Variants in GSE1 observed in about 807,000 individuals in gnomAD.
The protein encoded by GSE1 is Gse1 coiled-coil protein.
In GSE1, 32 loss-of-function variants were observed where a neutral mutation model predicts 112.6. That is an observed-to-expected ratio of 0.28 (90% confidence interval 0.21 to 0.38). The LOEUF (loss-of-function observed/expected upper bound fraction) is 0.38. GSE1 is among the 10% of genes least tolerant of loss of function. GSE1 has a pLI of 1.00. For missense variants in GSE1, 2,348 were observed against 1,699.2 expected (o/e 1.38, Z -6.71); for synonymous variants, 1,115 against 735.6 (o/e 1.52, Z -8.35).
At chr16:85,293,271 C>T (rs189653573) in intron 1 of GSE1, among the ~76,000 whole-genome samples, 1 of 152,266 alleles carries the variant, frequency 6.6e-6, no homozygotes, top group Non-Finnish European at 1.5e-5. Context: ...CTTGGCCTGG[C>T]ACGGTGGCTC....
At chr16:85,538,026 C>T (rs973442660) in intron 2 of GSE1, among the ~76,000 whole-genome samples, 22 of 152,302 alleles carry the variant, frequency 1.4e-4, no homozygotes, top group Non-Finnish European at 2.2e-4. Flanking sequence ...GCCTTGGGCC[C>T]GGACCCCTCC....
At chr16:85,646,265 C>G (rs945479192) in intron 2 of GSE1, among the ~76,000 whole-genome samples, 5 of 151,954 alleles carry the variant, frequency 3.3e-5, no homozygotes, top group Admixed American at 2.0e-4. Flanking sequence ...ATTCTACTTG[C>G]TTCTACCATG....
At chr16:85,556,158 C>G in exon 1 of GSE1, 1 of 942,866 alleles carries the variant, frequency 1.1e-6, no homozygotes, top group Non-Finnish European at 1.2e-6. Context: ...GGGGGAAAGA[C>G]TGATTTTTTT....
intron 2 of GSE1, among the ~76,000 whole-genome samples, chr16:85,497,597 G>T (rs907714953): frequency 6.6e-6 from 1 of 152,196 alleles, no homozygotes; most frequent in African/African-American, 2.4e-5. Context: ...ACTGCTGAAA[G>T]GGACCAGGCC....
At chr16:85,618,922 C>G (rs2048549679) in intron 1 of GSE1, among the ~76,000 whole-genome samples, 3 of 152,214 alleles carry the variant, frequency 2.0e-5, no homozygotes, top group Admixed American at 2.0e-4. Context: ...TCTCAGCCTC[C>G]CAAAGCACTG....
intron 1 of GSE1, among the ~76,000 whole-genome samples, chr16:85,194,606 G>A (rs1597771616): frequency 1.3e-5 from 2 of 152,172 alleles, no homozygotes; most frequent in South Asian, 4.1e-4. Flanking sequence ...TGACTCGAGT[G>A]TTGGGATTTT....
At chr16:85,253,944 A>C (rs919510623) in intron 1 of GSE1, among the ~76,000 whole-genome samples, 1 of 152,154 alleles carries the variant, frequency 6.6e-6, no homozygotes, top group African/African-American at 2.4e-5. Flanking sequence ...GTGGGCTCAG[A>C]GGTGGCAAAC....
rs111704788 is a variant in GSE1 at position 85,289,619 on chromosome 16, C to T, written c.2284-67844C>T. Among the ~76,000 whole-genome samples the T allele has an allele frequency of 9.8e-3, 1,495 of 152,262 alleles. 21 individuals are homozygous for T. Among genetic ancestry groups the T allele is most frequent in the African/African-American group, 0.035 (1,439 of 41,534 alleles). On this transcript the variant is annotated intron_variant, in intron 1 of 2. Transcript: ENST00000637419. ...CACTTTGAGAACCATGGAGCTGGAC[C>T]GTCTGCAGCCTGGCTTAGGGGCTTA...
intron 1 of GSE1, among the ~76,000 whole-genome samples, chr16:85,173,721 C>A (rs1169457338): frequency 6.6e-6 from 1 of 152,144 alleles, no homozygotes; most frequent in East Asian, 1.9e-4. Context: ...GGATGCTGCC[C>A]GTCGGCCTTG....
chr16:85,666,707 A>C, intron 13 of GSE1: 1 of 259,450 alleles, frequency 3.9e-6, no homozygotes. Flanking sequence ...TTTTACCCGC[A>C]TTCATTTGAA....
chr16:85,493,069 G>T (rs1338664577), intron 2 of GSE1, among the ~76,000 whole-genome samples: 2 of 152,186 alleles, frequency 1.3e-5, no homozygotes, highest in African/African-American at 2.4e-5. Flanking sequence ...GGAGGCTGGT[G>T]GGGGGATGTT....
chr16:85,187,473 C>G (rs775020191), intron 1 of GSE1, among the ~76,000 whole-genome samples: 1 of 152,228 alleles, frequency 6.6e-6, no homozygotes, highest in Non-Finnish European at 1.5e-5. Flanking sequence ...AAGTTTTTCC[C>G]GTGACGAAGC....
chr16:85,654,412 C>T lies in GSE1; in HGVS notation c.561C>T (p.Pro187=), dbSNP rs758992228. 12 of 1,592,064 alleles carry T rather than the reference C, an allele frequency of 7.5e-6. No homozygotes were observed. The African/African-American group carries it at 8.1e-5, about 11-fold the overall frequency. ...CCCCCTACCCCTTCGGCCTCTCCCC[C>T]AGCTCAGTTGTGCAGGATTCCCGCT... ...LSTPYPFGLS[P]SSVVQDSRFP... Residue 187 remains proline, a synonymous_variant, in exon 4 of 16, where the codon CCC becomes CCT. Coordinates refer to ENST00000253458, the MANE Select transcript of GSE1 (RefSeq NM_014615.5).
chr16:85,195,887 A>G (rs2074917492), intron 1 of GSE1, among the ~76,000 whole-genome samples: 1 of 152,150 alleles, frequency 6.6e-6, no homozygotes, highest in South Asian at 2.1e-4. Context: ...ATCACTTCTG[A>G]CCTGCAGCCC....
intron 2 of GSE1, among the ~76,000 whole-genome samples, chr16:85,440,592 G>A (rs1423309364): frequency 1.3e-5 from 2 of 152,218 alleles, no homozygotes; most frequent in Non-Finnish European, 2.9e-5. Context: ...CTTTGCCAAG[G>A]GCCACACCAG....
intron 1 of GSE1, among the ~76,000 whole-genome samples, chr16:85,557,022 TGGAGG>T (rs573029301): frequency 1.7e-3 from 261 of 151,952 alleles, no homozygotes; most frequent in African/African-American, 5.9e-3. Context: ...GCTTTCAGCC[TGGAGG>T]GGAGGGGAGG....
chr16:85,613,367 C>T lies in GSE1; in HGVS notation c.-25C>T, dbSNP rs760153456. The T allele has an allele frequency of 1.9e-6, 3 of 1,569,696 alleles. No homozygotes were observed. In the South Asian group the frequency reaches 3.5e-5, roughly 18 times the overall value. ...GACGGTGGCTCCAGCATGTATCAGC[C>T]GAGGTGGAGCTGCGGGGCCCTGGCA... On this transcript the variant is annotated 5_prime_UTR_variant, in exon 1 of 16. Transcript: ENST00000253458.
rs1567709036 is a variant in GSE1, at chr16:85,356,657, T to C, written c.2284-806T>C. Among the ~76,000 whole-genome samples the C allele has an allele frequency of 2.6e-5, 4 of 152,178 alleles. 1 individual carries two copies. The South Asian group carries it at 8.3e-4, about 32-fold the overall frequency. The stretch of plus-strand genomic sequence containing the variant: ...GCCTTCCTGTGTCCATTTTTTAAAT[T>C]TGTTTATTTATTTTTGTAAAGATGG... On this transcript the variant is annotated intron_variant, in intron 1 of 2. Coordinates refer to the GSE1 transcript ENST00000637419.
intron 1 of GSE1, among the ~76,000 whole-genome samples, chr16:85,307,831 A>G (rs557784249): frequency 3.3e-5 from 5 of 152,178 alleles, no homozygotes; most frequent in African/African-American, 1.2e-4. Flanking sequence ...AGACACTCTC[A>G]TCAGGCGGGA....
Sources: gnomAD v4.1 joint callset for allele counts (sites outside exome capture counted in the v4.1 genomes callset) on GRCh38, gnomAD v4.1.1 for gene constraint, MANE v1.5 for transcripts, NCBI Gene and HGNC (gene_info 2026-07-23, HGNC 2026-07-21) for gene names.